The following FAM117B variants were observed in gnomAD, a reference collection of about 807,000 sequenced individuals.
FAM117B encodes the protein family with sequence similarity 117 member B, also known as protein FAM117B.
In FAM117B, 22 loss-of-function variants were observed where a neutral mutation model predicts 52.8. That is an observed-to-expected ratio of 0.42 (90% CI 0.30 to 0.59). FAM117B has a LOEUF of 0.59. FAM117B is among the 20% of genes least tolerant of loss of function. FAM117B has a pLI of 0.22. For synonymous variants in FAM117B, 309 were observed against 324.1 expected, an observed-to-expected ratio of 0.95 and a Z score of 0.50; for missense variants, 678 against 802.6, an observed-to-expected ratio of 0.84 and a Z score of 1.88.
intron 1 of FAM117B, among the ~76,000 whole-genome samples, chr2:202,666,914 G>A (rs1690214138): frequency 6.6e-6 from 1 of 151,780 alleles, no homozygotes; most frequent in Non-Finnish European, 1.5e-5. Flanking sequence ...CAAAGTGCTG[G>A]GAGTACAGGT....
At chr2:202,714,981 C>A (rs953857795) in intron 2 of FAM117B, among the ~76,000 whole-genome samples, 7 of 152,212 alleles carry the variant, frequency 4.6e-5, no homozygotes, top group African/African-American at 1.7e-4. Context: ...TTTTCCCCAC[C>A]TTTCCCCCTT....
rs531701685 is a variant in FAM117B at position 202,658,562 on chromosome 2, A to G, written c.601+22774A>G. On this transcript the variant is annotated intron_variant, in intron 1 of 7. Transcript: ENST00000392238. ...AGTGATCCACCCGTTTTGACCTCCC[A>G]AGGTGTTGGGATTACAGGTATGAGC... Among the ~76,000 whole-genome samples, 11 of 152,242 alleles carry G rather than the reference A, an allele frequency of 7.2e-5. No homozygotes were observed. The South Asian group carries it at 2.3e-3, about 32-fold the overall frequency.
intron 5 of FAM117B, among the ~76,000 whole-genome samples, chr2:202,756,101 CTA>C (rs1162476794): frequency 6.6e-6 from 1 of 152,136 alleles, no homozygotes; most frequent in East Asian, 1.9e-4. Flanking sequence ...ACATGCTAGG[CTA>C]TGTCATCATA....
At chr2:202,676,735 T>A (rs1690384692) in intron 1 of FAM117B, among the ~76,000 whole-genome samples, 1 of 152,108 alleles carries the variant, frequency 6.6e-6, no homozygotes, top group Non-Finnish European at 1.5e-5. Flanking sequence ...AAACAGTAGT[T>A]AACTGATAAA....
intron 1 of FAM117B, among the ~76,000 whole-genome samples, chr2:202,689,671 A>T (rs766734149): frequency 6.6e-6 from 1 of 152,122 alleles, no homozygotes; most frequent in Non-Finnish European, 1.5e-5. Context: ...TAATCCCAGC[A>T]CTTTGAGAGC....
chr2:202,757,504 A>C, intron 6 of FAM117B, 66 bp downstream of exon 6: 1 of 1,480,890 alleles, frequency 6.8e-7, no homozygotes, highest in Non-Finnish European at 9.3e-7. Flanking sequence ...CATTCATTCT[A>C]TTCATTTTCT....
chr2:202,706,193 T>C (rs1690866614), intron 2 of FAM117B, among the ~76,000 whole-genome samples: 1 of 152,158 alleles, frequency 6.6e-6, no homozygotes, highest in African/African-American at 2.4e-5. Flanking sequence ...GTCTTTCTCT[T>C]TCCTGTTTCT....
At chr2:202,641,641 CTTTT>C (rs36085021) in intron 1 of FAM117B, among the ~76,000 whole-genome samples, 3 of 140,230 alleles carry the variant, frequency 2.1e-5, no homozygotes, top group Non-Finnish European at 1.6e-5. Flanking sequence ...ATTTTATTTT[CTTTT>C]TTTTTTTTTT....
chr2:202,640,295 A>ATATATATATATATATAT (rs1559091986), intron 1 of FAM117B, among the ~76,000 whole-genome samples: 5 of 51,300 alleles, frequency 9.7e-5, no homozygotes, highest in Non-Finnish European at 1.0e-4. Context: ...ACCACCACAA[A>ATATATATATATATATAT]ATATATATAT....
intron 4 of FAM117B, among the ~76,000 whole-genome samples, chr2:202,737,648 CTG>C (rs796312481): frequency 5.9e-5 from 9 of 151,922 alleles, no homozygotes; most frequent in African/African-American, 2.2e-4. Flanking sequence ...GTAGTCTAGA[CTG>C]GAGTGCAGTG....
chr2:202,643,194 A>C (rs1689795824), intron 1 of FAM117B, among the ~76,000 whole-genome samples: 1 of 152,220 alleles, frequency 6.6e-6, no homozygotes, highest in Non-Finnish European at 1.5e-5. Flanking sequence ...CTTAAGCTTC[A>C]GTTATTTACA....
chr2:202,750,770 C>A (rs1196137673), intron 4 of FAM117B, among the ~76,000 whole-genome samples: 1 of 152,136 alleles, frequency 6.6e-6, no homozygotes, highest in African/African-American at 2.4e-5. Context: ...CACCTCTGTT[C>A]CCAGGTGTAG....
chr2:202,702,114 C>T (rs533043125), intron 2 of FAM117B, among the ~76,000 whole-genome samples: 13 of 152,238 alleles, frequency 8.5e-5, no homozygotes, highest in African/African-American at 1.2e-4. Context: ...AATTGCTGCA[C>T]GGGTGCGGTG....
intron 1 of FAM117B, among the ~76,000 whole-genome samples, chr2:202,681,880 T>G (rs1225659348): frequency 2.0e-5 from 3 of 152,206 alleles, no homozygotes; most frequent in Non-Finnish European, 4.4e-5. Flanking sequence ...TCCCTGTTTG[T>G]CCGGTCAGAT....
intron 4 of FAM117B, among the ~76,000 whole-genome samples, chr2:202,733,818 G>A (rs994570394): frequency 6.6e-6 from 1 of 152,160 alleles, no homozygotes; most frequent in Non-Finnish European, 1.5e-5. Context: ...GTACAATAGT[G>A]TTCCTGAGGT....
chr2:202,683,115 G>A (rs1003600815), intron 1 of FAM117B, among the ~76,000 whole-genome samples: 5 of 152,098 alleles, frequency 3.3e-5, no homozygotes, highest in Non-Finnish European at 5.9e-5. Flanking sequence ...ATCACCTGAG[G>A]TCAGGAGTTC....
chr2:202,722,697 G>A (rs1219588684), intron 2 of FAM117B, among the ~76,000 whole-genome samples: 1 of 152,012 alleles, frequency 6.6e-6, no homozygotes, highest in African/African-American at 2.4e-5. Flanking sequence ...AGGAGGGAGA[G>A]GATCAGGGAA....
intron 7 of FAM117B, among the ~76,000 whole-genome samples, chr2:202,762,371 T>C (rs2105801565): frequency 6.6e-6 from 1 of 152,300 alleles, no homozygotes; most frequent in Admixed American, 6.5e-5. Flanking sequence ...TATAATCTTT[T>C]TGATAACAGC....
intron 4 of FAM117B, among the ~76,000 whole-genome samples, chr2:202,731,318 T>G (rs1196495995): frequency 1.0e-5 from 1 of 100,430 alleles, no homozygotes; most frequent in East Asian, 2.9e-4. Flanking sequence ...CAGGGGAGGA[T>G]GTGGAGAAAT....
Sources: allele counts gnomAD v4.1 joint callset (sites outside exome capture counted in the v4.1 genomes callset), GRCh38; gene constraint gnomAD v4.1.1; transcripts MANE v1.5; gene names NCBI Gene and HGNC (gene_info 2026-07-23, HGNC 2026-07-21).